PELI2: variants seen among roughly 807,000 people sequenced by gnomAD.
The protein encoded by PELI2 is pellino E3 ubiquitin protein ligase family member 2.
A neutral mutation model predicts 42.3 loss-of-function variants in PELI2; 23 were observed. The ratio of observed to expected loss-of-function variants is 0.54; its 90% CI spans 0.39 to 0.77. The LOEUF (loss-of-function observed/expected upper bound fraction) is 0.77. Among genes scored for constraint, PELI2 ranks in the 30% least tolerant of loss-of-function variants. The pLI, the probability that PELI2 is intolerant of heterozygous loss-of-function variation, is 0.00. For missense variants in PELI2, 463 were observed against 553.2 expected, an observed-to-expected ratio of 0.84 and a Z score of 1.64; for synonymous variants, 245 against 212.2, an observed-to-expected ratio of 1.15 and a Z score of -1.34.
Position 56,288,436 on chromosome 14 carries a change from G to A in PELI2, c.310-1G>A. 6.2e-7 allele frequency: 1 copy of A among 1,612,292 alleles called. No individual in the cohort carries two copies. The highest frequency in any genetic ancestry group is 8.5e-7 in the Non-Finnish European group (1 of 1,178,590). On this transcript the variant is annotated splice_acceptor_variant, in intron 3 of 5. Transcript: ENST00000267460. LOFTEE classifies it high-confidence loss of function. This position sits in a 1 kb window ranked among gnomAD's most constrained non-coding sequence, Gnocchi z 4.6. ...ATCACGAGTACATTTGATTTACTTA[G>A]GTGGGCAGATCAACAGAAAGCCCTA...
At chr14:56,196,604 C>T (rs1230491780) in intron 2 of PELI2, among the ~76,000 whole-genome samples, 1 of 152,136 alleles carries the variant, frequency 6.6e-6, no homozygotes, top group African/African-American at 2.4e-5. Flanking sequence ...TATTATACTG[C>T]CCATTTGAAA....
intron 2 of PELI2, among the ~76,000 whole-genome samples, chr14:56,194,939 G>C (rs528762360): frequency 2.6e-5 from 4 of 152,338 alleles, no homozygotes; most frequent in African/African-American, 9.6e-5. Flanking sequence ...TCAAGAGCCA[G>C]CTGTGCAAAA....
intron 2 of PELI2, among the ~76,000 whole-genome samples, chr14:56,228,831 G>C (rs1382184013): frequency 6.6e-6 from 1 of 152,242 alleles, no homozygotes; most frequent in Non-Finnish European, 1.5e-5. Flanking sequence ...CAAGAGATCA[G>C]GGAATTCCCT....
chr14:56,167,813 T>C (rs1443269684), intron 1 of PELI2, among the ~76,000 whole-genome samples: 1 of 152,150 alleles, frequency 6.6e-6, no homozygotes, highest in Non-Finnish European at 1.5e-5. Flanking sequence ...TAGCCCTCCT[T>C]TTTGGGATGG....
chr14:56,157,532 C>T (rs1884611668), intron 1 of PELI2, among the ~76,000 whole-genome samples: 1 of 146,324 alleles, frequency 6.8e-6, no homozygotes, highest in South Asian at 2.1e-4. Context: ...TAAAATCACT[C>T]CCCCCCAAAA....
chr14:56,135,949 T>C (rs1343160855), intron 1 of PELI2, among the ~76,000 whole-genome samples: 1 of 152,232 alleles, frequency 6.6e-6, no homozygotes, highest in African/African-American at 2.4e-5. Context: ...ACACATCATA[T>C]GGAGTCTGCT....
intron 1 of PELI2, among the ~76,000 whole-genome samples, chr14:56,153,897 A>T (rs1251176164): frequency 6.6e-6 from 1 of 152,186 alleles, no homozygotes; most frequent in African/African-American, 2.4e-5. Flanking sequence ...ATAAATTTAA[A>T]CCCTCTTCTT....
At chr14:56,277,735 A>G (rs1309157269) in intron 2 of PELI2, among the ~76,000 whole-genome samples, 1 of 152,226 alleles carries the variant, frequency 6.6e-6, no homozygotes, top group African/African-American at 2.4e-5. Flanking sequence ...TTCCCAGTGA[A>G]TTTGGGAGAA....
rs754880411 is a variant in PELI2 at position 56,301,264 on chromosome 14, G to GA, written c.*4104dup. On this transcript the variant is annotated 3_prime_UTR_variant, in exon 6 of 6. Coordinates refer to ENST00000267460, the MANE Select transcript of PELI2 (RefSeq NM_021255.3). ...TGTGGAAATACAAGCCATTTTACAG[G>GA]AAAAAATCTTCAAAAACTATTAAAT... 6.6e-6 allele frequency: 1 copy of GA among 152,644 alleles called. No individual in the cohort carries two copies. Among genetic ancestry groups the GA allele is most frequent in the Non-Finnish European group, 1.5e-5 (1 of 68,000 alleles). The allele number at this position is 152,644 out of a possible 1,614,324, so 9.5% of individuals were successfully genotyped here. A position where few individuals can be genotyped will look rare whatever the true frequency, so the allele number is the denominator to read the frequency against.
intron 2 of PELI2, among the ~76,000 whole-genome samples, chr14:56,275,838 C>G (rs1889274107): frequency 6.6e-6 from 1 of 152,126 alleles, no homozygotes; most frequent in Non-Finnish European, 1.5e-5. Context: ...TGTTAAAGAG[C>G]TTTCTAAATT....
chr14:56,183,951 C>T (rs1885678936), intron 2 of PELI2, among the ~76,000 whole-genome samples: 1 of 152,072 alleles, frequency 6.6e-6, no homozygotes, highest in Non-Finnish European at 1.5e-5. Flanking sequence ...TTGATGCTGT[C>T]TCACTTATAT....
chr14:56,215,706 G>C (rs1886886858), intron 2 of PELI2, among the ~76,000 whole-genome samples: 1 of 152,222 alleles, frequency 6.6e-6, no homozygotes, highest in Non-Finnish European at 1.5e-5. Context: ...GAATCAGAAT[G>C]AGTCTTGAAG....
chr14:56,200,052 C>A (rs1011846716), intron 2 of PELI2, among the ~76,000 whole-genome samples: 20 of 118,628 alleles, frequency 1.7e-4, no homozygotes, highest in Non-Finnish European at 3.3e-4. Flanking sequence ...AGAGTTCTTA[C>A]AATACAGGGA....
chr14:56,277,015 G>T (rs983603768), intron 2 of PELI2, among the ~76,000 whole-genome samples: 1 of 152,138 alleles, frequency 6.6e-6, no homozygotes, highest in African/African-American at 2.4e-5. Context: ...TAGTCTTATA[G>T]TTTGGGTCAC....
intron 2 of PELI2, among the ~76,000 whole-genome samples, chr14:56,256,281 A>G (rs1395830960): frequency 1.3e-5 from 2 of 152,070 alleles, no homozygotes; most frequent in Non-Finnish European, 2.9e-5. Context: ...AAATTAAAAA[A>G]AAATATTAGC....
In PELI2 at chr14:56,273,551, T is replaced by A. The variant is rs559008760; in HGVS notation, c.208-6125T>A. 1.1e-3 allele frequency among the ~76,000 whole-genome samples: 170 copies of A among 152,380 alleles called. 1 individual carries two copies. The highest frequency in any genetic ancestry group is 3.8e-3 in the African/African-American group (157 of 41,596). On this transcript the variant is annotated intron_variant, in intron 2 of 5. Transcript: ENST00000267460. This position sits in a 1 kb window ranked among gnomAD's most constrained non-coding sequence, Gnocchi z 4.3. Reference sequence around the variant, plus strand: ...GCTACTGGCTGCCCAACAGCTACTTTGTATTTGAGGAGAAAAAGTGAAATG... The same window carrying A: ...GCTACTGGCTGCCCAACAGCTACTTAGTATTTGAGGAGAAAAAGTGAAATG...
chr14:56,228,722 G>T (rs1887450126), intron 2 of PELI2, among the ~76,000 whole-genome samples: 3 of 152,200 alleles, frequency 2.0e-5, no homozygotes, highest in Admixed American at 2.0e-4. Flanking sequence ...ATTTCCAACT[G>T]AGGTACCAGG....
At chr14:56,158,962 G>A (rs1187417469) in intron 1 of PELI2, among the ~76,000 whole-genome samples, 1 of 152,038 alleles carries the variant, frequency 6.6e-6, no homozygotes, top group Non-Finnish European at 1.5e-5. Context: ...ATATTAAAAG[G>A]GAGACATTTG....
In PELI2 at chr14:56,297,253, G is replaced by GT; in HGVS notation, c.*90dup. Reference sequence around the variant, plus strand: ...CTAGATTTTACCTTTTTGTAATGCTGTTTATCAGAGGAGGGTGACAGGGGC... The same window carrying GT: ...CTAGATTTTACCTTTTTGTAATGCTGTTTTATCAGAGGAGGGTGACAGGGGC... On this transcript the variant is annotated 3_prime_UTR_variant, in exon 6 of 6. Coordinates refer to ENST00000267460, the MANE Select transcript of PELI2 (RefSeq NM_021255.3). 1.2e-6 allele frequency: 1 copy of GT among 840,372 alleles called. No individual in the cohort carries two copies. Among genetic ancestry groups the GT allele is most frequent in the Non-Finnish European group, 1.9e-6 (1 of 537,844 alleles). The allele number at this position is 840,372 out of a possible 1,614,324, so 52.1% of individuals were successfully genotyped here.
Sources: allele counts gnomAD v4.1 joint callset (sites outside exome capture counted in the v4.1 genomes callset), GRCh38; gene constraint gnomAD v4.1.1; non-coding constraint Gnocchi (gnomAD v3.1); transcripts MANE v1.5; gene names NCBI Gene and HGNC (gene_info 2026-07-23, HGNC 2026-07-21).